Variants in LTV1 observed in about 807,000 individuals in gnomAD.
LTV1 encodes LTV1 ribosome biogenesis factor, also known as protein LTV1 homolog.
In LTV1, 39 loss-of-function variants were observed where a neutral mutation model predicts 59.9. The observed-to-expected ratio is 0.65, with a 90% CI of 0.50 to 0.85. LTV1 has a LOEUF of 0.85. Ranked by LOEUF, LTV1 falls within the 40% of genes least tolerant of loss-of-function variation. LTV1 has a pLI of 0.00. For synonymous variants in LTV1, 171 were observed against 189.5 expected (o/e 0.90, Z 0.80); for missense variants, 493 against 549.1 (o/e 0.90, Z 1.02).
intron 2 of LTV1, 58 bp downstream of exon 2, chr6:143,844,675 T>TG (rs1776860972): frequency 6.6e-7 from 1 of 1,517,760 alleles, no homozygotes; most frequent in African/African-American, 1.4e-5. Context: ...TTTTTTTCTT[T>TG]TTTTTTTTTT....
intron 3 of LTV1, among the ~76,000 whole-genome samples, chr6:143,846,773 T>C (rs1483508408): frequency 6.6e-6 from 1 of 152,234 alleles, no homozygotes; most frequent in Non-Finnish European, 1.5e-5. Flanking sequence ...AGTTCTGTTT[T>C]CTCCCCTGTT....
At position 143,846,155 on chromosome 6, in the gene LTV1, G is replaced by A. The variant is rs1445260527; in HGVS notation, c.240G>A (p.Glu80=). The change falls in exon 3 of 11, where the codon GAG becomes GAA. Residue 80 remains glutamate, a synonymous_variant. Transcript: ENST00000367576. ...TGAAGGAACCATCTGGGCCTTCAGAGCTTATTCCCTCAAGTACCTTCAGTG... is the reference window on the plus strand; with the variant it reads ...TGAAGGAACCATCTGGGCCTTCAGAACTTATTCCCTCAAGTACCTTCAGTG... ...QHLKEPSGPS[E]LIPSSTFSAH... 6.2e-7 allele frequency: 1 copy of A among 1,614,090 alleles called. No homozygotes were observed. The highest frequency in any genetic ancestry group is 8.5e-7 in the Non-Finnish European group (1 of 1,180,040).
At chr6:143,861,827 T>TTTTTTTTTTTTTTTTTTTTTG (rs1554235515) in intron 7 of LTV1, among the ~76,000 whole-genome samples, 2 of 151,530 alleles carry the variant, frequency 1.3e-5, no homozygotes, top group South Asian at 2.1e-4. Context: ...TATGCTTTTT[T>TTTTTTTTTTTTTTTTTTTTTG]AGGCTTTAAA....
chr6:143,843,843 G>A (rs1044192780), intron 1 of LTV1, among the ~76,000 whole-genome samples: 1 of 152,258 alleles, frequency 6.6e-6, no homozygotes, highest in Non-Finnish European at 1.5e-5. Flanking sequence ...CTCAGCGTTG[G>A]AGTGGCAGGT....
intron 4 of LTV1, among the ~76,000 whole-genome samples, chr6:143,853,208 T>C (rs867170614): frequency 4.6e-5 from 7 of 152,214 alleles, no homozygotes; most frequent in Admixed American, 1.3e-4. Context: ...GATTCCTAGG[T>C]ATTTTATTCT....
rs769458684 is a variant in LTV1, at chr6:143,863,206, G to T, written c.1237G>T (p.Val413Leu). Residue 413 changes from valine to leucine, a missense_variant, in exon 10 of 11, where the codon GTA becomes TTA. Coordinates refer to ENST00000367576, the MANE Select transcript of LTV1 (RefSeq NM_032860.5). The surrounding 1 kb of genome is among the most constrained non-coding windows in gnomAD (Gnocchi z 4.5). ...QMINGSDLPK[V>L]STQPRSKNES... ...GATTAATGGCAGTGATCTTCCTAAAGTATCAACTCAGCCACGTTCTAAAAA... is the reference window on the plus strand; with the variant it reads ...GATTAATGGCAGTGATCTTCCTAAATTATCAACTCAGCCACGTTCTAAAAA... 8.7e-6 allele frequency: 14 copies of T among 1,613,966 alleles called. No individual in the cohort carries two copies. Among genetic ancestry groups the T allele is most frequent in the Non-Finnish European group, 1.2e-5 (14 of 1,179,942 alleles).
chr6:143,847,920 CAG>C (rs1776919630), intron 3 of LTV1, among the ~76,000 whole-genome samples: 1 of 152,118 alleles, frequency 6.6e-6, no homozygotes, highest in Non-Finnish European at 1.5e-5. Context: ...CCCCTAGAAA[CAG>C]TGTAAGACAG....
rs1777176187 is a variant in LTV1 at position 143,862,192 on chromosome 6, ACTGTAGTCCTTG to A, written c.1013_1024del (p.Thr338_Glu342delinsLys). 2 of 1,613,842 alleles carry A rather than the reference ACTGTAGTCCTTG, an allele frequency of 1.2e-6. No homozygotes were observed. The highest frequency in any genetic ancestry group is 4.5e-5 in the East Asian group (2 of 44,880). ...TGAGTCTGAGGAGGAAGAAATGATT[ACTGTAGTCCTTG>A]AAGAAGCCAAAGAGAAGTGGGATTG... On this transcript the variant is annotated inframe_deletion, in exon 8 of 11. Transcript: ENST00000367576. This position sits in a 1 kb window ranked among gnomAD's most constrained non-coding sequence, Gnocchi z 4.2.
chr6:143,857,240 G>A lies in LTV1; in HGVS notation c.398-63G>A. The A allele has an allele frequency of 6.3e-7, 1 of 1,592,034 alleles. No individual in the cohort carries two copies. The highest frequency in any genetic ancestry group is 8.6e-7 in the Non-Finnish European group (1 of 1,164,344). ...TTGCTATCATAGGTCCTTATATTGT[G>A]AGTTAAGTGAATGAATTGTTGCTAT... is the stretch of plus-strand genomic sequence containing the variant. On this transcript the variant is annotated intron_variant, in intron 4 of 10. Transcript: ENST00000367576. The surrounding 1 kb of genome is among the most constrained non-coding windows in gnomAD (Gnocchi z 5.2).
Position 143,854,354 on chromosome 6 carries a change from G to A in LTV1, c.398-2949G>A, listed in dbSNP as rs531103687. On this transcript the variant is annotated intron_variant, in intron 4 of 10. Transcript: ENST00000367576. Reference sequence around the variant, plus strand: ...TTCTTCTCTCTTTTCTTCTTTATTAGTCTGGCTAGCAGTCTATCTATTTTG... The same window carrying A: ...TTCTTCTCTCTTTTCTTCTTTATTAATCTGGCTAGCAGTCTATCTATTTTG... 3.7e-4 allele frequency among the ~76,000 whole-genome samples: 56 copies of A among 151,894 alleles called. No individual in the cohort carries two copies. The South Asian group carries it at 0.012, about 32-fold the overall frequency.
intron 2 of LTV1, among the ~76,000 whole-genome samples, chr6:143,845,017 A>G (rs563038432): frequency 6.6e-6 from 1 of 152,308 alleles, no homozygotes; most frequent in African/African-American, 2.4e-5. Context: ...ACCAGCTACA[A>G]TGCGGCATGA....
At chr6:143,854,046 C>T (rs1777033603) in intron 4 of LTV1, among the ~76,000 whole-genome samples, 2 of 152,142 alleles carry the variant, frequency 1.3e-5, no homozygotes, top group Non-Finnish European at 2.9e-5. Context: ...CTCTCTGTAC[C>T]TCTGGTAGAA....
chr6:143,847,986 A>G (rs1388690249), intron 3 of LTV1, among the ~76,000 whole-genome samples: 3 of 152,232 alleles, frequency 2.0e-5, no homozygotes, highest in African/African-American at 7.2e-5. Context: ...TGATTTTGAC[A>G]TGAAAGAAAG....
At chr6:143,848,045 G>A (rs2128491016) in intron 3 of LTV1, among the ~76,000 whole-genome samples, 1 of 152,258 alleles carries the variant, frequency 6.6e-6, no homozygotes, top group South Asian at 2.1e-4. Flanking sequence ...ATGTAGTTGA[G>A]AACTACTGCA....
chr6:143,846,259 G>C, intron 3 of LTV1, 35 bp downstream of exon 3: 1 of 1,581,454 alleles, frequency 6.3e-7, no homozygotes, highest in Non-Finnish European at 8.6e-7. Context: ...GTGGGAGTGA[G>C]GTGAAGAAAT....
At chr6:143,849,839 C>T (rs1055766880) in intron 3 of LTV1, among the ~76,000 whole-genome samples, 12 of 152,224 alleles carry the variant, frequency 7.9e-5, no homozygotes, top group African/African-American at 2.6e-4. Context: ...TCCTAACTTC[C>T]GAAGGTTACC....
chr6:143,848,025 G>A (rs929334555), intron 3 of LTV1, among the ~76,000 whole-genome samples: 6 of 152,126 alleles, frequency 3.9e-5, no homozygotes, highest in Non-Finnish European at 8.8e-5. Flanking sequence ...AAAGTAGCTG[G>A]GCAAATGTCA....
At chr6:143,852,036 G>A (rs531326043) in intron 4 of LTV1, among the ~76,000 whole-genome samples, 4 of 152,226 alleles carry the variant, frequency 2.6e-5, no homozygotes, top group Non-Finnish European at 5.9e-5. Context: ...ATAAACCTAC[G>A]TGTGCATGTG....
chr6:143,846,358 A>G, intron 3 of LTV1, 134 bp downstream of exon 3: 6 of 776,334 alleles, frequency 7.7e-6, no homozygotes, highest in East Asian at 2.7e-5. Context: ...TTAAAATTAT[A>G]TATGTGTATG....
Sources: allele counts gnomAD v4.1 joint callset (sites outside exome capture counted in the v4.1 genomes callset), GRCh38; gene constraint gnomAD v4.1.1; non-coding constraint Gnocchi (gnomAD v3.1); transcripts MANE v1.5; gene names NCBI Gene and HGNC (gene_info 2026-07-23, HGNC 2026-07-21).